Variants in POP1 observed in about 807,000 individuals in gnomAD.
The protein encoded by POP1 is POP1 ribonuclease P/MRP subunit.
A neutral mutation model predicts 102.2 loss-of-function variants in POP1; 75 were observed. That is an observed-to-expected ratio of 0.73 (90% confidence interval 0.61 to 0.89). The LOEUF is 0.89. Ranked by LOEUF, POP1 falls within the 40% of genes least tolerant of loss-of-function variation. The probability of loss-of-function intolerance (pLI) is 0.00; values close to 1 mark genes in which losing one functional copy is unlikely to be tolerated. For synonymous variants in POP1, 436 were observed against 464.1 expected (o/e 0.94, Z 0.78); for missense variants, 1,116 against 1,267.4 (o/e 0.88, Z 1.81).
chr8:98,155,853 G>T (rs935470828), intron 14 of POP1, 197 bp from the exon 15 acceptor site: 1 of 609,906 alleles, frequency 1.6e-6, no homozygotes, highest in South Asian at 1.9e-5. Flanking sequence ...GGGATTACAG[G>T]CATGAGCCAC....
Position 98,158,059 on chromosome 8 carries a change from G to A in POP1, c.2863G>A (p.Val955Met). 6.2e-7 allele frequency: 1 copy of A among 1,609,844 alleles called. No individual in the cohort carries two copies. Among genetic ancestry groups the A allele is most frequent in the South Asian group, 1.1e-5 (1 of 91,064 alleles). Reference sequence around the variant, plus strand: ...GCTGTGGTCAGGCCCTCTGCCGCGTGTGACGTTGCACTGCTCCAGAACTCT... The same window carrying A: ...GCTGTGGTCAGGCCCTCTGCCGCGTATGACGTTGCACTGCTCCAGAACTCT... ...LGLWSGPLPR[V>M]TLHCSRTLLG... Residue 955 changes from valine to methionine, a missense_variant, in exon 16 of 16, where the codon GTG (valine) becomes ATG (methionine). Transcript: ENST00000401707.
intron 7 of POP1, 29 bp downstream of exon 7, chr8:98,134,688 T>C (rs1409775401): frequency 6.4e-7 from 1 of 1,569,706 alleles, no homozygotes; most frequent in South Asian, 1.1e-5. Context: ...TCTCCCGTCA[T>C]TCTGAAACTG....
chr8:98,150,322 C>T (rs1026897569), intron 13 of POP1, among the ~76,000 whole-genome samples, 163 bp from the exon 14 acceptor site: 4 of 152,148 alleles, frequency 2.6e-5, no homozygotes, highest in Non-Finnish European at 5.9e-5. Flanking sequence ...TGACGAAGCT[C>T]GATTTTATTC....
rs1486773025 is a variant in POP1, at chr8:98,130,243, G to T, written c.735+17G>T. ...CTCCTGCAGGTGAGCTTTTCCAGTG[G>T]GCTTTTTTTGTTATTTTTGTTTGAT... is the stretch of plus-strand genomic sequence containing the variant. On this transcript the variant is annotated intron_variant, in intron 5 of 15. Coordinates refer to ENST00000401707, the MANE Select transcript of POP1 (RefSeq NM_001145860.2). 6.2e-7 allele frequency: 1 copy of T among 1,613,864 alleles called. No homozygotes were observed. Among genetic ancestry groups the T allele is most frequent in the Admixed American group, 1.7e-5 (1 of 59,974 alleles).
At chr8:98,139,361 G>A (rs187147915) in intron 9 of POP1, among the ~76,000 whole-genome samples, 5 of 152,162 alleles carry the variant, frequency 3.3e-5, no homozygotes, top group Admixed American at 3.3e-4. Context: ...TCTTCAAAAG[G>A]TACTGGTTTG....
rs887546438 is a variant in POP1, at chr8:98,145,634, G to A, written c.1595-934G>A. ...ATTTTAAAGGGATGAGGCTGGGCAC[G>A]GTGGCTCACACCTATAATCCCAGCA... On this transcript the variant is annotated intron_variant, in intron 11 of 15. Coordinates refer to ENST00000401707, the MANE Select transcript of POP1 (RefSeq NM_001145860.2). Among the ~76,000 whole-genome samples, 9 of 152,196 alleles carry A rather than the reference G, an allele frequency of 5.9e-5. No homozygotes were observed. In the South Asian group the frequency reaches 6.2e-4, roughly 11 times the overall value.
At chr8:98,117,652 T>A (rs1815880783) in intron 1 of POP1, among the ~76,000 whole-genome samples, 1 of 152,112 alleles carries the variant, frequency 6.6e-6, no homozygotes, top group South Asian at 2.1e-4. Flanking sequence ...TTGCATCCCC[T>A]CTTCTGCAAC....
At chr8:98,136,428 C>A in intron 7 of POP1, 54 bp from the exon 8 acceptor site, 1 of 1,522,260 alleles carries the variant, frequency 6.6e-7, no homozygotes, top group South Asian at 1.2e-5. Context: ...CTAAATTTGT[C>A]GTAATATATT....
chr8:98,140,753 T>C lies in POP1; in HGVS notation c.1475-16T>C. ...ATGAATGACTTTCTGTAAACTTCTT[T>C]TTGTTGTTGTTAAAGGAATAACATC... is the stretch of plus-strand genomic sequence containing the variant. On this transcript the variant is annotated splice_polypyrimidine_tract_variant and intron_variant, in intron 10 of 15. Coordinates refer to ENST00000401707, the MANE Select transcript of POP1 (RefSeq NM_001145860.2). The C allele has an allele frequency of 6.2e-7, 1 of 1,613,244 alleles. No individual in the cohort carries two copies. Among genetic ancestry groups the C allele is most frequent in the Non-Finnish European group, 8.5e-7 (1 of 1,179,228 alleles).
chr8:98,146,151 A>T (rs948905209), intron 11 of POP1, among the ~76,000 whole-genome samples: 1 of 152,076 alleles, frequency 6.6e-6, no homozygotes, highest in East Asian at 1.9e-4. Flanking sequence ...GGCTGGACTT[A>T]AACTCCTGGG....
chr8:98,146,100 G>T (rs769541397), intron 11 of POP1, among the ~76,000 whole-genome samples: 1 of 151,942 alleles, frequency 6.6e-6, no homozygotes, highest in Non-Finnish European at 1.5e-5. Flanking sequence ...TTATAATATG[G>T]CATATTATTA....
At chr8:98,140,567 A>G (rs1044175240) in intron 10 of POP1, among the ~76,000 whole-genome samples, 12 of 152,188 alleles carry the variant, frequency 7.9e-5, no homozygotes, top group African/African-American at 2.7e-4. Context: ...TGTTGGCCTC[A>G]TGTTTTTTGC....
At chr8:98,117,964 C>G (rs1261026512) in intron 1 of POP1, 1 of 152,074 alleles carries the variant, frequency 6.6e-6, no homozygotes, top group Non-Finnish European at 1.5e-5. Context: ...TTCATTTATG[C>G]GGGCACTCAT....
chr8:98,122,263 CAT>C (rs754201059), intron 1 of POP1, among the ~76,000 whole-genome samples: 20 of 152,166 alleles, frequency 1.3e-4, no homozygotes, highest in Non-Finnish European at 2.8e-4. Context: ...AAAATTACGT[CAT>C]TAGTGGCATT....
intron 5 of POP1, among the ~76,000 whole-genome samples, chr8:98,132,782 A>G (rs887138680): frequency 6.6e-6 from 1 of 151,980 alleles, no homozygotes; most frequent in Non-Finnish European, 1.5e-5. Flanking sequence ...ACTATTAACT[A>G]TTATAGGCCA....
chr8:98,138,424 A>G (rs942559520), intron 9 of POP1, among the ~76,000 whole-genome samples: 1 of 152,066 alleles, frequency 6.6e-6, no homozygotes, highest in Non-Finnish European at 1.5e-5. Context: ...ACTACTGAGC[A>G]TTCTGCCTCC....
At position 98,157,957 on chromosome 8, in the gene POP1, C is replaced by T; in HGVS notation, c.2761C>T (p.Gln921Ter). 1 of 1,613,732 alleles carries T rather than the reference C, an allele frequency of 6.2e-7. No homozygotes were observed. ...AGAGAAGAAGAAAAGGGAGAAGAGG[C>T]AGAAGCCAGGACGTGCCTCTTCTGA... The part of the protein sequence containing the change: ...QKEKKKREKR[Q>*]KPGRASSDGP... The change falls in exon 16 of 16, where the codon CAG (glutamine) becomes TAG (stop). Residue 921 changes from glutamine to a stop codon, truncating the protein, a stop_gained. Coordinates refer to ENST00000401707, the MANE Select transcript of POP1 (RefSeq NM_001145860.2). LOFTEE classifies it low-confidence loss of function (END_TRUNC).
chr8:98,139,073 A>G (rs1249948624), intron 9 of POP1, among the ~76,000 whole-genome samples: 1 of 151,544 alleles, frequency 6.6e-6, no homozygotes, highest in East Asian at 1.9e-4. Flanking sequence ...CTGGTCTCGA[A>G]CTCCTGGCCT....
At chr8:98,148,728 A>G (rs1330791833) in intron 12 of POP1, 87 bp from the exon 13 acceptor site, 12 of 1,176,870 alleles carry the variant, frequency 1.0e-5, no homozygotes, top group Non-Finnish European at 1.5e-5. Flanking sequence ...AGAGCATTTA[A>G]TTTTCTAAAG....
Sources: allele counts gnomAD v4.1 joint callset (sites outside exome capture counted in the v4.1 genomes callset), GRCh38; gene constraint gnomAD v4.1.1; transcripts MANE v1.5; gene names NCBI Gene and HGNC (gene_info 2026-07-23, HGNC 2026-07-21).